Variants in GRXCR2 observed in about 807,000 individuals in gnomAD.
GRXCR2 encodes glutaredoxin domain-containing cysteine-rich protein 2.
In GRXCR2, 23 loss-of-function variants were observed where a neutral mutation model predicts 24.8. The ratio of observed to expected loss-of-function variants is 0.93; its 90% CI spans 0.67 to 1.32. GRXCR2 has a LOEUF of 1.32. GRXCR2 is among the 40% of genes most tolerant of loss of function. The probability of loss-of-function intolerance (pLI) is 0.00; values close to 1 mark genes in which losing one functional copy is unlikely to be tolerated. For synonymous variants in GRXCR2, 130 were observed against 116.1 expected (o/e 1.12, Z -0.77); for missense variants, 315 against 303.4 (o/e 1.04, Z -0.28).
intron 2 of GRXCR2, among the ~76,000 whole-genome samples, chr5:145,882,641 T>A (rs1581339386): frequency 6.6e-6 from 1 of 152,174 alleles, no homozygotes; most frequent in Admixed American, 6.6e-5. Flanking sequence ...AGAACTAGAA[T>A]TACCATTTGA....
intron 2 of GRXCR2, among the ~76,000 whole-genome samples, chr5:145,902,591 G>C (rs559375373): frequency 3.3e-5 from 5 of 152,168 alleles, no homozygotes; most frequent in African/African-American, 7.2e-5. Flanking sequence ...CCAACCAGAG[G>C]GGGTAGATGT....
intron 2 of GRXCR2, among the ~76,000 whole-genome samples, chr5:145,882,574 G>A (rs573047909): frequency 6.6e-6 from 1 of 152,238 alleles, no homozygotes; most frequent in African/African-American, 2.4e-5. Flanking sequence ...ACTGTTGGTG[G>A]GACTGTAAAC....
chr5:145,873,821 T>C (rs1263997925), upstream of GRXCR2, among the ~76,000 whole-genome samples: 2 of 152,226 alleles, frequency 1.3e-5, no homozygotes, highest in Non-Finnish European at 2.9e-5. Context: ...ACTTCGTAAA[T>C]GCCTGACACT....
chr5:145,874,945 T>G (rs1395792427), upstream of GRXCR2, among the ~76,000 whole-genome samples: 1 of 152,202 alleles, frequency 6.6e-6, no homozygotes, highest in Non-Finnish European at 1.5e-5. Flanking sequence ...CCATTCCTCC[T>G]TCAAGTCACA....
At chr5:145,880,838 A>G (rs1353654385) in intron 2 of GRXCR2, among the ~76,000 whole-genome samples, 2 of 152,230 alleles carry the variant, frequency 1.3e-5, no homozygotes, top group Non-Finnish European at 2.9e-5. Context: ...ACCATGATCA[A>G]GTCGGCTTCA....
chr5:145,890,017 A>G (rs531781492), intron 2 of GRXCR2, among the ~76,000 whole-genome samples: 8 of 152,262 alleles, frequency 5.3e-5, no homozygotes, highest in Non-Finnish European at 1.0e-4. Flanking sequence ...CAGAAGAAAT[A>G]ATTTCAGAGA....
At chr5:145,922,424 G>A (rs768272824) in intron 2 of GRXCR2, among the ~76,000 whole-genome samples, 12 of 152,106 alleles carry the variant, frequency 7.9e-5, no homozygotes, top group African/African-American at 1.2e-4. Flanking sequence ...TGTGCTGACC[G>A]TCATTACATT....
chr5:145,893,846 C>A (rs1331203958), intron 2 of GRXCR2, among the ~76,000 whole-genome samples: 3 of 152,190 alleles, frequency 2.0e-5, no homozygotes, highest in Non-Finnish European at 4.4e-5. Context: ...TTCAGCACCA[C>A]ACCATACCTA....
intron 2 of GRXCR2, among the ~76,000 whole-genome samples, chr5:145,879,956 C>T (rs549220096): frequency 6.6e-6 from 1 of 152,030 alleles, no homozygotes; most frequent in African/African-American, 2.4e-5. Context: ...GGGTAAATAA[C>T]GAAATGAAGG....
At chr5:145,918,578 G>A (rs1416123512) in intron 2 of GRXCR2, among the ~76,000 whole-genome samples, 9 of 152,162 alleles carry the variant, frequency 5.9e-5, no homozygotes, top group Non-Finnish European at 1.2e-4. Context: ...GGAAAAGCTG[G>A]TAATTATGAC....
At chr5:145,864,579 T>G (rs552377124) in intron 2 of GRXCR2, among the ~76,000 whole-genome samples, 237 of 152,288 alleles carry the variant, frequency 1.6e-3, no homozygotes, top group African/African-American at 5.4e-3. Flanking sequence ...AAGTGAGTTC[T>G]CACCAGAGCT....
intron 2 of GRXCR2, among the ~76,000 whole-genome samples, chr5:145,927,367 GT>G (rs1173855153): frequency 6.6e-6 from 1 of 152,152 alleles, no homozygotes; most frequent in Non-Finnish European, 1.5e-5. Flanking sequence ...CTGTGGGTTT[GT>G]CATAAATAGC....
At chr5:145,919,456 TGAG>T (rs930535183) in intron 2 of GRXCR2, among the ~76,000 whole-genome samples, 15 of 152,108 alleles carry the variant, frequency 9.9e-5, no homozygotes, top group African/African-American at 3.6e-4. Flanking sequence ...AGCTAACAAG[TGAG>T]GAGATGACCC....
intron 2 of GRXCR2, among the ~76,000 whole-genome samples, chr5:145,903,529 CAAA>C (rs33972911): frequency 9.5e-5 from 14 of 147,422 alleles, no homozygotes; most frequent in South Asian, 4.3e-4. Flanking sequence ...GATTCAGAGT[CAAA>C]AAAAAAAAAA....
intron 2 of GRXCR2, among the ~76,000 whole-genome samples, chr5:145,889,173 AAAGAAAGAAAGAAAG>A (rs1386288836): frequency 2.5e-4 from 10 of 39,464 alleles, no homozygotes; most frequent in African/African-American, 1.1e-3. Flanking sequence ...TGTCTCAAAA[AAAGAAAGAAAGAAAG>A]AAAGAAAGAA....
At chr5:145,864,716 A>C (rs1035461970) in intron 2 of GRXCR2, among the ~76,000 whole-genome samples, 1 of 152,072 alleles carries the variant, frequency 6.6e-6, no homozygotes, top group Non-Finnish European at 1.5e-5. Flanking sequence ...AGGCCTCCCC[A>C]GCCATTTGGA....
intron 2 of GRXCR2, among the ~76,000 whole-genome samples, chr5:145,886,309 T>C (rs1756780063): frequency 1.3e-5 from 2 of 152,174 alleles, no homozygotes; most frequent in African/African-American, 4.8e-5. Flanking sequence ...CCTTGTACTT[T>C]GAAATGCCTT....
chr5:145,891,591 C>T (rs992112668), intron 2 of GRXCR2, among the ~76,000 whole-genome samples: 22 of 152,120 alleles, frequency 1.4e-4, no homozygotes, highest in African/African-American at 2.4e-4. Flanking sequence ...GGGGGAGGGG[C>T]GCCCGCCATT....
At chr5:145,918,100 T>C (rs1200519946) in intron 2 of GRXCR2, among the ~76,000 whole-genome samples, 6 of 152,310 alleles carry the variant, frequency 3.9e-5, no homozygotes, top group African/African-American at 9.6e-5. Context: ...TAGTCCTCAT[T>C]ACTTCAGAAG....
Sources: gnomAD v4.1 joint callset for allele counts (sites outside exome capture counted in the v4.1 genomes callset) on GRCh38, gnomAD v4.1.1 for gene constraint, MANE v1.5 for transcripts, NCBI Gene and HGNC (gene_info 2026-07-23, HGNC 2026-07-21) for gene names.